Variants in TAF3 observed in about 807,000 individuals in gnomAD.
TAF3 encodes the protein transcription initiation factor TFIID subunit 3.
Under a neutral mutation model 80.6 loss-of-function variants are expected in TAF3, and 7 were observed. That is an observed-to-expected ratio of 0.09 (90% CI 0.05 to 0.16). The LOEUF (loss-of-function observed/expected upper bound fraction) is 0.16. Among genes scored for constraint, TAF3 ranks in the 10% least tolerant of loss-of-function variants. The pLI, the probability that TAF3 is intolerant of heterozygous loss-of-function variation, is 1.00. For synonymous variants in TAF3, 444 were observed against 446.1 expected, an observed-to-expected ratio of 1.00 and a Z score of 0.06; for missense variants, 921 against 1,140.2, an observed-to-expected ratio of 0.81 and a Z score of 2.77.
chr10:7,898,581 C>T (rs946826843), intron 2 of TAF3, among the ~76,000 whole-genome samples: 13 of 150,500 alleles, frequency 8.6e-5, no homozygotes, highest in African/African-American at 2.7e-4. Flanking sequence ...TCGAACTCTT[C>T]CATCTTTCTT....
chr10:8,011,008 A>C (rs1418171734), intron 5 of TAF3, among the ~76,000 whole-genome samples: 1 of 152,210 alleles, frequency 6.6e-6, no homozygotes, highest in Non-Finnish European at 1.5e-5. Context: ...TCTGGCAGTA[A>C]AGTGTTTATA....
chr10:7,913,113 C>G (rs924919210), intron 2 of TAF3, among the ~76,000 whole-genome samples: 2 of 152,158 alleles, frequency 1.3e-5, no homozygotes, highest in African/African-American at 4.8e-5. Flanking sequence ...CGTGATGTCT[C>G]TCTTCCTCTT....
chr10:7,988,145 T>C (rs1564378069), intron 4 of TAF3, among the ~76,000 whole-genome samples: 1 of 152,164 alleles, frequency 6.6e-6, no homozygotes, highest in Non-Finnish European at 1.5e-5. Flanking sequence ...CCAATATATT[T>C]GATGTTGTTA....
intron 2 of TAF3, among the ~76,000 whole-genome samples, chr10:7,827,111 G>A (rs946552550): frequency 2.6e-5 from 4 of 152,176 alleles, no homozygotes; most frequent in African/African-American, 9.7e-5. Flanking sequence ...CTCCACAGCA[G>A]CTGGAGCTGG....
intron 2 of TAF3, among the ~76,000 whole-genome samples, chr10:7,904,746 AT>A (rs1454090317): frequency 3.3e-5 from 5 of 152,088 alleles, no homozygotes; most frequent in African/African-American, 1.2e-4. Flanking sequence ...TTTAGTAGAA[AT>A]TTGGAATAGT....
chr10:7,891,053 C>T (rs750869052), intron 2 of TAF3, among the ~76,000 whole-genome samples: 9 of 152,194 alleles, frequency 5.9e-5, no homozygotes, highest in Admixed American at 6.5e-5. Flanking sequence ...TGCATGTCTG[C>T]AGCAGGCAGT....
chr10:7,943,260 T>C (rs965038013), intron 2 of TAF3, among the ~76,000 whole-genome samples: 11 of 152,202 alleles, frequency 7.2e-5, no homozygotes, highest in African/African-American at 2.7e-4. Context: ...TTCTGTCTTC[T>C]GATTCTGGCT....
chr10:7,931,756 T>C (rs937584951), intron 2 of TAF3, among the ~76,000 whole-genome samples: 5 of 152,220 alleles, frequency 3.3e-5, no homozygotes, highest in African/African-American at 4.8e-5. Context: ...ACTGAGTGCT[T>C]ATTTCATTTA....
At position 7,965,010 on chromosome 10, in the gene TAF3, C is replaced by T. The variant is rs1831555101; in HGVS notation, c.1500C>T (p.Pro500=). ...PYISSPSVSP[P]TPEPLHKVYE... ...TCTCTTCTCCGTCAGTGTCTCCTCC[C>T]ACTCCCGAACCTCTCCACAAGGTGT... Residue 500 remains proline, a synonymous_variant, in exon 3 of 7, where the codon CCC becomes CCT. Transcript: ENST00000344293. 11 of 1,613,950 alleles carry T rather than the reference C, an allele frequency of 6.8e-6. No homozygotes were observed. In the South Asian group the frequency reaches 7.7e-5, roughly 11 times the overall value.
intron 2 of TAF3, among the ~76,000 whole-genome samples, chr10:7,927,214 T>A (rs1389522451): frequency 1.3e-5 from 2 of 152,212 alleles, no homozygotes; most frequent in Non-Finnish European, 2.9e-5. Flanking sequence ...TTTGAGTCAT[T>A]AAATTTGCAA....
chr10:7,949,242 TC>T (rs1260176210), intron 2 of TAF3, among the ~76,000 whole-genome samples: 1 of 152,214 alleles, frequency 6.6e-6, no homozygotes, highest in Non-Finnish European at 1.5e-5. Context: ...CTTTGCTGTT[TC>T]CACTGTAACG....
At chr10:7,844,729 T>C (rs1343526938) in intron 2 of TAF3, among the ~76,000 whole-genome samples, 1 of 152,202 alleles carries the variant, frequency 6.6e-6, no homozygotes, top group African/African-American at 2.4e-5. Flanking sequence ...AACATAATAT[T>C]TAGCTAGCTG....
chr10:7,987,912 C>T (rs186188873), intron 4 of TAF3, among the ~76,000 whole-genome samples: 19 of 152,220 alleles, frequency 1.2e-4, no homozygotes, highest in Admixed American at 5.9e-4. Context: ...GTGCTGGCTC[C>T]GTCTCAGGTG....
intron 2 of TAF3, among the ~76,000 whole-genome samples, chr10:7,847,768 C>CT (rs914659796): frequency 4.6e-5 from 7 of 151,762 alleles, no homozygotes; most frequent in East Asian, 1.9e-4. Flanking sequence ...GTTAAAACTT[C>CT]TTTTTTTCTT....
At chr10:7,940,146 G>A (rs1273328704) in intron 2 of TAF3, among the ~76,000 whole-genome samples, 3 of 152,184 alleles carry the variant, frequency 2.0e-5, no homozygotes, top group Admixed American at 6.5e-5. Flanking sequence ...GAAGATGGTA[G>A]TACATACCAT....
intron 2 of TAF3, among the ~76,000 whole-genome samples, chr10:7,828,984 C>A (rs1053364533): frequency 8.2e-6 from 1 of 121,892 alleles, no homozygotes; most frequent in African/African-American, 3.1e-5. Flanking sequence ...CAGCCGAGAT[C>A]GTGCCACTGC....
At position 8,014,912 on chromosome 10, in the gene TAF3, T is replaced by A. The variant is rs1194736746; in HGVS notation, c.*161T>A. ...TGGAACACACCGCGCACCTGGATTG[T>A]TCACTCCCGAGCCGCCTTGGCCTGT... On this transcript the variant is annotated 3_prime_UTR_variant, in exon 7 of 7. Transcript: ENST00000344293. 7 of 601,054 alleles carry A rather than the reference T, an allele frequency of 1.2e-5. No homozygotes were observed. The highest frequency in any genetic ancestry group is 2.0e-5 in the Non-Finnish European group (7 of 352,588). The allele number at this position is 601,054 out of a possible 1,614,324, so 37.2% of individuals were successfully genotyped here.
At chr10:7,967,939 A>G (rs746440578) in intron 3 of TAF3, among the ~76,000 whole-genome samples, 2 of 152,196 alleles carry the variant, frequency 1.3e-5, no homozygotes, top group Non-Finnish European at 2.9e-5. Context: ...GGTTAGGACA[A>G]CCCAGGGAAA....
At chr10:7,833,976 G>A (rs763982689) in intron 2 of TAF3, 18 of 264,660 alleles carry the variant, frequency 6.8e-5, no homozygotes, top group African/African-American at 1.6e-4. Context: ...GCTGTCCTCC[G>A]GCACAGGACA....
Sources: allele counts gnomAD v4.1 joint callset (sites outside exome capture counted in the v4.1 genomes callset), GRCh38; gene constraint gnomAD v4.1.1; transcripts MANE v1.5; gene names NCBI Gene and HGNC (gene_info 2026-07-23, HGNC 2026-07-21).